Variants in ARMC9 observed in about 807,000 individuals in gnomAD.
The protein encoded by ARMC9 is lisH domain-containing protein ARMC9.
Under a neutral mutation model 107.0 loss-of-function variants are expected in ARMC9, and 94 were observed. The observed-to-expected ratio is 0.88, with a 90% CI of 0.74 to 1.04. ARMC9 has a LOEUF of 1.04. Among genes scored for constraint, ARMC9 ranks in the 50% least tolerant of loss-of-function variants. The pLI, the probability that ARMC9 is intolerant of heterozygous loss-of-function variation, is 0.00. For synonymous variants in ARMC9, 380 were observed against 396.9 expected (o/e 0.96, Z 0.51); for missense variants, 942 against 1,030.1 (o/e 0.91, Z 1.17).
chr2:231,256,621 G>T lies in ARMC9; in HGVS notation c.914+1G>T. 1 of 1,613,796 alleles carries T rather than the reference G, an allele frequency of 6.2e-7. No homozygotes were observed. Among genetic ancestry groups the T allele is most frequent in the East Asian group, 2.2e-5 (1 of 44,880 alleles). ...TGTTACGAGCCTCCTTGGCACCCGT[G>T]TAAGTAACTGCTCTTAGGAATTTTT... On this transcript the variant is annotated splice_donor_variant, in intron 10 of 24. Coordinates refer to ENST00000611582, the MANE Select transcript of ARMC9 (RefSeq NM_001352754.2). LOFTEE classifies it high-confidence loss of function.
chr2:231,218,896 C>T (rs910109181), intron 5 of ARMC9, among the ~76,000 whole-genome samples: 6 of 151,878 alleles, frequency 4.0e-5, no homozygotes, highest in African/African-American at 1.5e-4. Context: ...GGATTATAGG[C>T]ACACGCCACC....
At chr2:231,337,270 G>GTGTATATATATATATATATATA (rs1417267339) in intron 20 of ARMC9, among the ~76,000 whole-genome samples, 1 of 76,410 alleles carries the variant, frequency 1.3e-5, no homozygotes, top group African/African-American at 5.8e-5. Context: ...ACGTGTGTGT[G>GTGTATATATATATATATATATA]TATATATATA....
At chr2:231,320,400 C>T (rs2042931762) in intron 19 of ARMC9, among the ~76,000 whole-genome samples, 1 of 152,198 alleles carries the variant, frequency 6.6e-6, no homozygotes, top group East Asian at 1.9e-4. Context: ...TCACTTGGCA[C>T]AATCTCAAGT....
At chr2:231,329,593 G>C (rs1036759776) in intron 19 of ARMC9, among the ~76,000 whole-genome samples, 2 of 152,198 alleles carry the variant, frequency 1.3e-5, no homozygotes, top group African/African-American at 2.4e-5. Context: ...ACAGGTGTGA[G>C]CCACCGCGCC....
intron 19 of ARMC9, 94 bp from the exon 20 acceptor site, chr2:231,331,696 CCTT>C (rs1453650343): frequency 3.8e-6 from 4 of 1,046,822 alleles, no homozygotes; most frequent in African/African-American, 1.6e-5. Context: ...TTGGCCGAGG[CCTT>C]CTTGTTTCAT....
Position 231,341,628 on chromosome 2 carries a change from TAGA to T in ARMC9, c.1879-3346_1879-3344del, listed in dbSNP as rs1435010651. 6.3e-3 allele frequency among the ~76,000 whole-genome samples: 694 copies of T among 110,480 alleles called. 6 individuals are homozygous for T. Among genetic ancestry groups the T allele is most frequent in the African/African-American group, 0.039 (654 of 16,668 alleles). 72.5% of individuals were successfully genotyped at this position (110,480 alleles called of 152,430 possible). A position where few individuals can be genotyped will look rare whatever the true frequency, so the allele number is the denominator to read the frequency against. ...TACAGAGATATAGATGATTGATTGA[TAGA>T]TAGATAGATGATAGATAGATAGATA... On this transcript the variant is annotated intron_variant, in intron 20 of 24. Coordinates refer to ENST00000611582, the MANE Select transcript of ARMC9 (RefSeq NM_001352754.2).
At position 231,274,309 on chromosome 2, in the gene ARMC9, G is replaced by A. The variant is rs923248316; in HGVS notation, c.1334+1231G>A. ...ATTTTTGTATTTTTAGTAGAGATGG[G>A]GTTTCACCATGCTGGTGAGTCTGGT... On this transcript the variant is annotated intron_variant, in intron 14 of 24. Transcript: ENST00000611582. Among the ~76,000 whole-genome samples, 4 of 152,158 alleles carry A rather than the reference G, an allele frequency of 2.6e-5. No homozygotes were observed. In the South Asian group the frequency reaches 8.3e-4, roughly 32 times the overall value.
intron 19 of ARMC9, among the ~76,000 whole-genome samples, chr2:231,330,172 G>A (rs933481645): frequency 4.6e-5 from 7 of 150,894 alleles, no homozygotes; most frequent in African/African-American, 1.5e-4. Context: ...CATGTAGATC[G>A]ATTCTTACCA....
At chr2:231,264,805 T>A (rs1426644439) in intron 12 of ARMC9, among the ~76,000 whole-genome samples, 2 of 152,106 alleles carry the variant, frequency 1.3e-5, no homozygotes, top group African/African-American at 4.8e-5. Flanking sequence ...CCTGGTTTAT[T>A]TTTTTAAGAA....
intron 23 of ARMC9, among the ~76,000 whole-genome samples, chr2:231,368,634 T>G (rs1190985332): frequency 1.3e-5 from 2 of 152,090 alleles, no homozygotes; most frequent in Non-Finnish European, 2.9e-5. Context: ...TACAAAAATT[T>G]TATTTTTTGA....
chr2:231,261,749 A>G (rs1401768631), intron 11 of ARMC9, among the ~76,000 whole-genome samples: 1 of 151,724 alleles, frequency 6.6e-6, no homozygotes, highest in African/African-American at 2.4e-5. Context: ...CAGTCTGAGC[A>G]TTTTGCTGCC....
At chr2:231,242,212 TA>T (rs1285824455) in intron 9 of ARMC9, among the ~76,000 whole-genome samples, 1 of 151,862 alleles carries the variant, frequency 6.6e-6, no homozygotes, top group Non-Finnish European at 1.5e-5. Context: ...TTCCTGGTGC[TA>T]AGACCCGGGA....
chr2:231,333,728 G>C (rs2043896924), intron 20 of ARMC9, among the ~76,000 whole-genome samples: 1 of 152,218 alleles, frequency 6.6e-6, no homozygotes, highest in South Asian at 2.1e-4. Flanking sequence ...GTTGATACCT[G>C]TTGAGACCGC....
chr2:231,315,844 T>C (rs1000862966), intron 19 of ARMC9, among the ~76,000 whole-genome samples: 6 of 152,252 alleles, frequency 3.9e-5, no homozygotes, highest in African/African-American at 1.4e-4. Flanking sequence ...TTAAGTAATA[T>C]ATGTACTGCT....
rs373626314 is a variant in ARMC9, at chr2:231,235,862, G to A, written c.780+481G>A. 3.5e-4 allele frequency among the ~76,000 whole-genome samples: 53 copies of A among 152,298 alleles called. No individual in the cohort carries two copies. The East Asian group carries it at 9.1e-3, about 26-fold the overall frequency. The stretch of plus-strand genomic sequence containing the variant: ...TCTCCATGTTGGTCAGGCTGGTCTC[G>A]AACTCCTGACCTCAGGTGATCCGCC... On this transcript the variant is annotated intron_variant, in intron 8 of 24. Coordinates refer to ENST00000611582, the MANE Select transcript of ARMC9 (RefSeq NM_001352754.2).
intron 5 of ARMC9, among the ~76,000 whole-genome samples, chr2:231,218,738 A>G (rs1037060331): frequency 1.3e-5 from 2 of 151,332 alleles, no homozygotes; most frequent in African/African-American, 4.8e-5. Flanking sequence ...GTATGTATAC[A>G]TAATCAAGTC....
chr2:231,351,835 A>C lies in ARMC9; in HGVS notation c.1995-3963A>C, dbSNP rs1275264393. Among the ~76,000 whole-genome samples, 3 of 152,136 alleles carry C rather than the reference A, an allele frequency of 2.0e-5. No homozygotes were observed. In the East Asian group the frequency reaches 5.8e-4, roughly 29 times the overall value. On this transcript the variant is annotated intron_variant, in intron 21 of 24. Coordinates refer to ENST00000611582, the MANE Select transcript of ARMC9 (RefSeq NM_001352754.2). ...CATAAATATTCGTAACTAAAACAAA[A>C]AAAAATTATGACCCTCCCTTCACCA...
intron 17 of ARMC9, among the ~76,000 whole-genome samples, chr2:231,283,618 T>TG (rs1559403063): frequency 6.6e-6 from 1 of 152,058 alleles, no homozygotes; most frequent in Non-Finnish European, 1.5e-5. Context: ...TTAGTAGAGA[T>TG]GGGGTTTCAC....
chr2:231,259,084 G>T lies in ARMC9; in HGVS notation c.1008G>T (p.Leu336Phe). The T allele has an allele frequency of 6.2e-7, 1 of 1,613,774 alleles. No individual in the cohort carries two copies. The highest frequency in any genetic ancestry group is 8.5e-7 in the Non-Finnish European group (1 of 1,179,670). ...ILGSDRLKAF[L>F]LQALRWRLTT... Reference sequence around the variant, plus strand: ...GGAGTGACCGCTTGAAAGCCTTCTTGTTGCAGGCTCTGCGCTGGGTAGGTA... The same window carrying T: ...GGAGTGACCGCTTGAAAGCCTTCTTTTTGCAGGCTCTGCGCTGGGTAGGTA... The change falls in exon 11 of 25, where the codon TTG becomes TTT. Residue 336 changes from leucine (L) to phenylalanine (F), a missense_variant. Leu to Phe is a conservative substitution (Grantham distance 22). Transcript: ENST00000611582.
Sources: gnomAD v4.1 joint callset for allele counts (sites outside exome capture counted in the v4.1 genomes callset) on GRCh38, gnomAD v4.1.1 for gene constraint, MANE v1.5 for transcripts, NCBI Gene and HGNC (gene_info 2026-07-23, HGNC 2026-07-21) for gene names.